Variants in POLM observed in about 807,000 individuals in gnomAD.
POLM encodes the protein DNA polymerase mu.
POLM carries 52 observed loss-of-function variants against 56.7 expected under a neutral mutation model. The observed-to-expected ratio is 0.92, with a 90% confidence interval of 0.73 to 1.15. The LOEUF (loss-of-function observed/expected upper bound fraction) is 1.15, where lower values mean the gene tolerates loss of function less well. Among genes scored for constraint, POLM ranks in the 50% most tolerant of loss-of-function variants. The pLI is 0.00. For synonymous variants in POLM, 273 were observed against 274.3 expected, an observed-to-expected ratio of 1.00 and a Z score of 0.05; for missense variants, 660 against 663.6, an observed-to-expected ratio of 0.99 and a Z score of 0.06.
chr7:44,073,926 T>C lies in POLM; in HGVS notation c.1171A>G (p.Ile391Val), dbSNP rs1051845965. 1.1e-5 allele frequency: 18 copies of C among 1,614,018 alleles called. No homozygotes were observed. The highest frequency in any genetic ancestry group is 5.3e-5 in the African/African-American group (4 of 74,898). ...HMDAFERSFC[I>V]FRLPQPPGAA... ...CCTGGAGGTTGTGGTAGGCGGAAAATGCAGAAACTTCTCTCAAAAGCGTCC... is the reference window on the plus strand; with the variant it reads ...CCTGGAGGTTGTGGTAGGCGGAAAACGCAGAAACTTCTCTCAAAAGCGTCC... Residue 391 changes from isoleucine to valine, a missense_variant, in exon 9 of 11, where the codon ATT becomes GTT. Ile to Val is a conservative substitution (Grantham distance 29, BLOSUM62 3). Transcript: ENST00000242248.
At chr7:44,082,134 C>T (rs2096201843) in intron 1 of POLM, 117 bp downstream of exon 1, 1 of 870,866 alleles carries the variant, frequency 1.1e-6, no homozygotes, top group Non-Finnish European at 1.6e-6. Context: ...GCACCCTTTA[C>T]AGAAGAGGAG....
Position 44,080,751 on chromosome 7 carries a change from C to A in POLM, c.354G>T (p.Glu118Asp). ...SLGAGQPVPV[E>D]CRHRLEVAGP... ...AGCTCACCTCCAGGCGGTGCCGGCA[C>A]TCCACAGGTACAGGCTGCCCAGCTC... The change falls in exon 2 of 11, where the codon GAG (glutamate) becomes GAT (aspartate). Residue 118 changes from glutamate to aspartate, a missense_variant. By Grantham distance (45) the Glu-to-Asp change is conservative. Transcript: ENST00000242248. The A allele has an allele frequency of 6.2e-7, 1 of 1,614,144 alleles. No homozygotes were observed. Among genetic ancestry groups the A allele is most frequent in the South Asian group, 1.1e-5 (1 of 91,088 alleles).
chr7:44,081,375 G>A (rs2096199398), intron 1 of POLM, among the ~76,000 whole-genome samples: 1 of 152,190 alleles, frequency 6.6e-6, no homozygotes, highest in Non-Finnish European at 1.5e-5. Flanking sequence ...CCACCCTGTG[G>A]GGTTGTTGTA....
At position 44,082,371 on chromosome 7, in the gene POLM, G is replaced by T; in HGVS notation, c.68C>A (p.Pro23His). The T allele has an allele frequency of 6.5e-7, 1 of 1,542,710 alleles. No homozygotes were observed. Residue 23 changes from proline to histidine, a missense_variant, in exon 1 of 11, where the codon CCC (proline) becomes CAC (histidine). Coordinates refer to ENST00000242248, the MANE Select transcript of POLM (RefSeq NM_013284.4). ...PSGDAASSTP[P>H]STRFPGVAIY... ...GGCGACTCCCGGGAAGCGCGTCGAG[G>T]GCGGCGTGGAGGAAGCGGCATCGCC...
At position 44,082,374 on chromosome 7, in the gene POLM, G is replaced by C; in HGVS notation, c.65C>G (p.Pro22Arg). The C allele has an allele frequency of 6.5e-7, 1 of 1,539,980 alleles. No homozygotes were observed. Among genetic ancestry groups the C allele is most frequent in the Non-Finnish European group, 8.7e-7 (1 of 1,152,138 alleles). ...GACTCCCGGGAAGCGCGTCGAGGGCGGCGTGGAGGAAGCGGCATCGCCGCT... is the reference window on the plus strand; with the variant it reads ...GACTCCCGGGAAGCGCGTCGAGGGCCGCGTGGAGGAAGCGGCATCGCCGCT... ...SPSGDAASST[P>R]PSTRFPGVAI... Residue 22 changes from proline (P) to arginine (R), a missense_variant, in exon 1 of 11, where the codon CCG becomes CGG. Physicochemically the swap from Pro to Arg is moderately radical, Grantham distance 103 (BLOSUM62 -2). Transcript: ENST00000242248.
rs748498850 is a variant in POLM at position 44,073,234 on chromosome 7, G to A, written c.*57C>T. ...CAGCATATCTGCCTGGAGACATTCAGTGGCCAGGTTGGGGGCAGCCCAATT... is the reference window on the plus strand; with the variant it reads ...CAGCATATCTGCCTGGAGACATTCAATGGCCAGGTTGGGGGCAGCCCAATT... On this transcript the variant is annotated 3_prime_UTR_variant, in exon 11 of 11. Transcript: ENST00000242248. 3 of 1,613,898 alleles carry A rather than the reference G, an allele frequency of 1.9e-6. No homozygotes were observed. The highest frequency in any genetic ancestry group is 3.3e-5 in the Admixed American group (2 of 59,986).
At chr7:44,076,486 C>A (rs1430129610) in intron 6 of POLM, 23 bp downstream of exon 6, 1 of 1,613,570 alleles carries the variant, frequency 6.2e-7, no homozygotes, top group Non-Finnish European at 8.5e-7. Flanking sequence ...AAGCCCAGGG[C>A]CCAGCCTCTC....
At chr7:44,079,533 A>T in intron 4 of POLM, 38 bp downstream of exon 4, 2 of 768,082 alleles carry the variant, frequency 2.6e-6, no homozygotes, top group Non-Finnish European at 4.4e-6. Context: ...AGGCCTCCCC[A>T]CCCACCCACT....
At chr7:44,073,506 G>A (rs2096174194) in intron 10 of POLM, 119 bp downstream of exon 10, 14 of 1,588,140 alleles carry the variant, frequency 8.8e-6, no homozygotes, top group Admixed American at 1.7e-5. Flanking sequence ...AACTGTGTGT[G>A]GAGACCCAGA....
chr7:44,082,353 C>A lies in POLM; in HGVS notation c.86G>T (p.Gly29Val). Residue 29 changes from glycine (G) to valine (V), a missense_variant, in exon 1 of 11, where the codon GGA becomes GTA. By Grantham distance (109) the Gly-to-Val change is moderately radical. Coordinates refer to ENST00000242248, the MANE Select transcript of POLM (RefSeq NM_013284.4). ...AGGCTCGACCAGGTAGATGGCGACT[C>A]CCGGGAAGCGCGTCGAGGGCGGCGT... ...SSTPPSTRFP[G>V]VAIYLVEPRM... 6.4e-7 allele frequency: 1 copy of A among 1,554,722 alleles called. No individual in the cohort carries two copies. Among genetic ancestry groups the A allele is most frequent in the Non-Finnish European group, 8.6e-7 (1 of 1,158,494 alleles).
chr7:44,079,842 G>A lies in POLM; in HGVS notation c.471+19C>T, dbSNP rs1183257985. The A allele has an allele frequency of 6.2e-7, 1 of 1,613,474 alleles. No homozygotes were observed. The highest frequency in any genetic ancestry group is 1.3e-5 in the African/African-American group (1 of 75,028). On this transcript the variant is annotated intron_variant, in intron 3 of 10. Coordinates refer to ENST00000242248, the MANE Select transcript of POLM (RefSeq NM_013284.4). ...TCCCCAACCCCCAGGGCTGGCCAAGGCTCATAGAAGCGGCTTACGGAGAGG... is the reference window on the plus strand; with the variant it reads ...TCCCCAACCCCCAGGGCTGGCCAAGACTCATAGAAGCGGCTTACGGAGAGG...
At position 44,074,704 on chromosome 7, in the gene POLM, A is replaced by G. The variant is rs185922173; in HGVS notation, c.836-174T>C. Among the ~76,000 whole-genome samples, 895 of 152,374 alleles carry G rather than the reference A, an allele frequency of 5.9e-3. 5 individuals are homozygous for G. The highest frequency in any genetic ancestry group is 9.9e-3 in the Non-Finnish European group (676 of 68,038). On this transcript the variant is annotated intron_variant, in intron 6 of 10. Coordinates refer to ENST00000242248, the MANE Select transcript of POLM (RefSeq NM_013284.4). ...AGAGTGAGATCCCAATCTAAGCCTG[A>G]CACTATCTTCTCTCCCCCTTTAAAT...
At position 44,080,884 on chromosome 7, in the gene POLM, G is replaced by T; in HGVS notation, c.221C>A (p.Thr74Asn). ...CCAGCTGACGGCCTCCTCTGCTGAG[G>T]TCTCTTCCATCACAACATGTGTCGC... ...SEATHVVMEE[T>N]SAEEAVSWQE... is the part of the protein sequence containing the mutation. The change falls in exon 2 of 11, where the codon ACC becomes AAC. Residue 74 changes from threonine to asparagine, a missense_variant. Thr to Asn is a moderately conservative substitution (Grantham distance 65). Transcript: ENST00000242248. 2 of 1,592,732 alleles carry T rather than the reference G, an allele frequency of 1.3e-6. No individual in the cohort carries two copies. Among genetic ancestry groups the T allele is most frequent in the Non-Finnish European group, 1.7e-6 (2 of 1,170,486 alleles).
At chr7:44,076,880 C>T in intron 5 of POLM, 1 of 466,354 alleles carries the variant, frequency 2.1e-6, no homozygotes. Flanking sequence ...CAGCTCTAGC[C>T]TGTGATTCCA....
Position 44,073,914 on chromosome 7 carries a change from G to T in POLM, c.1183C>A (p.Pro395Thr). Residue 395 changes from proline (P) to threonine (T), a missense_variant, in exon 9 of 11, where the codon CCA becomes ACA. Physicochemically the swap from Pro to Thr is conservative, Grantham distance 38 (BLOSUM62 -1). Coordinates refer to ENST00000242248, the MANE Select transcript of POLM (RefSeq NM_013284.4). ...FERSFCIFRL[P>T]QPPGAAVGGS... ...CCCACAGCAGCCCCTGGAGGTTGTG[G>T]TAGGCGGAAAATGCAGAAACTTCTC... The T allele has an allele frequency of 6.2e-7, 1 of 1,614,240 alleles. No individual in the cohort carries two copies. Among genetic ancestry groups the T allele is most frequent in the Non-Finnish European group, 8.5e-7 (1 of 1,180,040 alleles).
chr7:44,073,978 A>T lies in POLM; in HGVS notation c.1119T>A (p.Pro373=), dbSNP rs746165399. The T allele has an allele frequency of 5.6e-6, 9 of 1,614,096 alleles. No homozygotes were observed. In the Admixed American group the frequency reaches 8.3e-5, roughly 15 times the overall value. Residue 373 remains proline (P), a synonymous_variant, in exon 9 of 11, where the codon CCT becomes CCA. Coordinates refer to ENST00000242248, the MANE Select transcript of POLM (RefSeq NM_013284.4). The stretch of plus-strand genomic sequence containing the variant: ...TGTGGCTCTGTTGGGCCAGGCGGGT[A>T]GGGGACTCACAGCAGCTGTGCTGGT... ...HQHQHSCCES[P]TRLAQQSHMD...
chr7:44,079,828 C>T (rs1562672340), intron 3 of POLM, 33 bp downstream of exon 3: 1 of 1,611,750 alleles, frequency 6.2e-7, no homozygotes, highest in Non-Finnish European at 8.5e-7. Flanking sequence ...CCCCAACCCC[C>T]AGGGCTGGCC....
chr7:44,074,641 G>A, intron 6 of POLM, 111 bp from the exon 7 acceptor site: 2 of 1,289,466 alleles, frequency 1.6e-6, no homozygotes, highest in Non-Finnish European at 2.1e-6. Context: ...GCAGGACCAG[G>A]AGAGGCCTCC....
At chr7:44,078,858 G>T (rs756896863) in intron 4 of POLM, 47 bp from the exon 5 acceptor site, 2 of 1,533,724 alleles carry the variant, frequency 1.3e-6, no homozygotes, top group Non-Finnish European at 1.8e-6. Context: ...GGCGTGGGAA[G>T]AAAGAGAAGG....
Sources: allele counts gnomAD v4.1 joint callset (sites outside exome capture counted in the v4.1 genomes callset), GRCh38; gene constraint gnomAD v4.1.1; transcripts MANE v1.5; gene names NCBI Gene and HGNC (gene_info 2026-07-23, HGNC 2026-07-21).